The following NEBL variants were observed in gnomAD, a reference collection of about 807,000 sequenced individuals.
NEBL encodes the protein LIM and SH3 protein 2.
Under a neutral mutation model 140.2 loss-of-function variants are expected in NEBL, and 122 were observed. The observed-to-expected ratio is 0.87, with a 90% CI of 0.75 to 1.01. The LOEUF (loss-of-function observed/expected upper bound fraction) is 1.01. Among genes scored for constraint, NEBL ranks in the 50% least tolerant of loss-of-function variants. The pLI is 0.00. For synonymous variants in NEBL, 436 were observed against 398.9 expected (o/e 1.09, Z -1.11); for missense variants, 1,365 against 1,231.3 (o/e 1.11, Z -1.62).
intron 5 of NEBL, among the ~76,000 whole-genome samples, chr10:20,876,497 T>G (rs1277439044): frequency 6.6e-6 from 1 of 152,198 alleles, no homozygotes; most frequent in East Asian, 1.9e-4. Flanking sequence ...CTGATTTATC[T>G]TTAAGCTTTC....
At chr10:21,063,365 C>T (rs143350888) in intron 2 of NEBL, among the ~76,000 whole-genome samples, 1 of 152,120 alleles carries the variant, frequency 6.6e-6, no homozygotes, top group Non-Finnish European at 1.5e-5. Flanking sequence ...GCTCTAAGTT[C>T]CCAATTAATA....
intron 2 of NEBL, among the ~76,000 whole-genome samples, chr10:21,131,170 A>G (rs1467874912): frequency 2.6e-5 from 4 of 152,206 alleles, no homozygotes; most frequent in Non-Finnish European, 4.4e-5. Flanking sequence ...GCAAGACACA[A>G]TCTGCCAAAA....
chr10:21,161,166 T>C (rs1242929473), intron 2 of NEBL, among the ~76,000 whole-genome samples: 10 of 152,140 alleles, frequency 6.6e-5, no homozygotes, highest in Admixed American at 6.5e-4. Context: ...GAAAGATATG[T>C]CTATTGCTTC....
chr10:21,170,602 G>A (rs532818193), intron 2 of NEBL: 1 of 152,722 alleles, frequency 6.5e-6, no homozygotes, highest in Non-Finnish European at 1.5e-5. Flanking sequence ...CACGGTGTAG[G>A]AGGATCGAAG....
intron 16 of NEBL, 147 bp from the exon 17 acceptor site, chr10:20,828,781 GA>G: frequency 3.2e-6 from 2 of 630,426 alleles, no homozygotes; most frequent in Non-Finnish European, 5.7e-6. Context: ...GAGAGAGAGA[GA>G]GGTGGAGAGA....
chr10:20,947,137 A>T (rs1423956839), intron 4 of NEBL, among the ~76,000 whole-genome samples: 1 of 152,204 alleles, frequency 6.6e-6, no homozygotes, highest in Non-Finnish European at 1.5e-5. Flanking sequence ...TCTGTTTCTG[A>T]ATGACTGGGA....
rs7895565 is a variant in NEBL at position 21,227,917 on chromosome 10, C to T, written n.348+20004G>A. 5.3e-3 allele frequency among the ~76,000 whole-genome samples: 805 copies of T among 151,414 alleles called. 8 individuals are homozygous for T. Among genetic ancestry groups the T allele is most frequent in the African/African-American group, 0.019 (775 of 41,238 alleles). On this transcript the variant is annotated intron_variant and non_coding_transcript_variant, in intron 3 of 8. Transcript: ENST00000675702. ...GCACTCATAAAAATGTAAATGGTAA[C>T]GTTCAGAATCTTGTGGCAAGCACTG...
intron 4 of NEBL, among the ~76,000 whole-genome samples, chr10:20,953,311 A>C (rs1835595615): frequency 1.3e-5 from 2 of 152,158 alleles, no homozygotes; most frequent in South Asian, 2.1e-4. Flanking sequence ...ACATGCACAC[A>C]CCAACGAAAG....
intron 3 of NEBL, among the ~76,000 whole-genome samples, chr10:21,006,695 G>C (rs114144708): frequency 0.017 from 2,603 of 152,232 alleles, 72 homozygotes; most frequent in African/African-American, 0.059. Flanking sequence ...ACAGTGGTCC[G>C]AGACCCGAAA....
chr10:21,200,308 C>CTTTTTTTTTTTTTTT (rs10671099), intron 3 of NEBL, among the ~76,000 whole-genome samples: 1 of 81,954 alleles, frequency 1.2e-5, no homozygotes, highest in African/African-American at 5.2e-5. Context: ...TTCCAAGGGA[C>CTTTTTTTTTTTTTTT]TTTTTTTTTT....
intron 11 of NEBL, among the ~76,000 whole-genome samples, chr10:20,849,140 A>G (rs139452780): frequency 1.3e-5 from 2 of 152,228 alleles, no homozygotes; most frequent in African/African-American, 4.8e-5. Context: ...ACCCAGCTGC[A>G]CCCACAAAAC....
chr10:20,967,671 G>T (rs1046422642), intron 3 of NEBL, among the ~76,000 whole-genome samples: 40 of 152,122 alleles, frequency 2.6e-4, no homozygotes, highest in Admixed American at 2.4e-3. Flanking sequence ...TATGGTGGGA[G>T]GGGGCTTGAT....
chr10:20,922,582 T>A (rs557901844), intron 4 of NEBL, among the ~76,000 whole-genome samples: 1 of 152,344 alleles, frequency 6.6e-6, no homozygotes, highest in East Asian at 1.9e-4. Flanking sequence ...TTTTGTTCTA[T>A]TTCTGAAGAC....
At chr10:21,184,747 G>A (rs1273924139) in intron 3 of NEBL, among the ~76,000 whole-genome samples, 1 of 152,170 alleles carries the variant, frequency 6.6e-6, no homozygotes, top group Non-Finnish European at 1.5e-5. Context: ...AGAATTTTAT[G>A]ACATAAGAAG....
chr10:20,939,468 C>T (rs570836161), intron 4 of NEBL, among the ~76,000 whole-genome samples: 165 of 152,280 alleles, frequency 1.1e-3, no homozygotes, highest in Middle Eastern at 3.4e-3. Flanking sequence ...TGGTACCAGC[C>T]ACTGCAAAAA....
chr10:21,194,905 G>T (rs958769241), intron 3 of NEBL, among the ~76,000 whole-genome samples: 1 of 148,744 alleles, frequency 6.7e-6, no homozygotes, highest in Non-Finnish European at 1.5e-5. Context: ...AAATCAGAAA[G>T]GAAGCTAATG....
chr10:20,839,701 G>A (rs1841228738), intron 13 of NEBL, among the ~76,000 whole-genome samples: 1 of 152,116 alleles, frequency 6.6e-6, no homozygotes, highest in Non-Finnish European at 1.5e-5. Context: ...GACCATGAGA[G>A]GATAATCAGC....
At chr10:21,105,905 T>G (rs989048144) in intron 2 of NEBL, among the ~76,000 whole-genome samples, 27 of 152,340 alleles carry the variant, frequency 1.8e-4, no homozygotes, top group African/African-American at 6.5e-4. Context: ...GGTACCTCAT[T>G]GTGGTTTTGA....
chr10:20,782,893 T>C lies in NEBL; in HGVS notation c.*2854A>G, dbSNP rs1464249278. On this transcript the variant is annotated 3_prime_UTR_variant, in exon 28 of 28. Coordinates refer to ENST00000377122, the MANE Select transcript of NEBL (RefSeq NM_006393.3). Reference sequence around the variant, plus strand: ...CTTACAACAAAAGCAATATATTCTGTTGCTATACTTTGCTCAAGAGAGAGA... The same window carrying C: ...CTTACAACAAAAGCAATATATTCTGCTGCTATACTTTGCTCAAGAGAGAGA... 1 of 152,662 alleles carries C rather than the reference T, an allele frequency of 6.6e-6. No homozygotes were observed. The highest frequency in any genetic ancestry group is 1.5e-5 in the Non-Finnish European group (1 of 68,046). 9.5% of individuals were successfully genotyped at this position (152,662 alleles called of 1,614,324 possible).
Sources: gnomAD v4.1 joint callset for allele counts (sites outside exome capture counted in the v4.1 genomes callset) on GRCh38, gnomAD v4.1.1 for gene constraint, MANE v1.5 for transcripts, NCBI Gene and HGNC (gene_info 2026-07-23, HGNC 2026-07-21) for gene names.